The following BAZ2A variants were observed in gnomAD, a reference collection of about 807,000 sequenced individuals.
BAZ2A encodes the protein bromodomain adjacent to zinc finger domain 2A.
Under a neutral mutation model 199.9 loss-of-function variants are expected in BAZ2A, and 34 were observed. That is an observed-to-expected ratio of 0.17 (90% CI 0.13 to 0.23). The LOEUF is 0.23. BAZ2A is among the 10% of genes least tolerant of loss of function. The pLI, the probability that BAZ2A is intolerant of heterozygous loss-of-function variation, is 1.00. For synonymous variants in BAZ2A, 857 were observed against 883.9 expected (o/e 0.97, Z 0.54); for missense variants, 2,002 against 2,391.1 (o/e 0.84, Z 3.39).
At position 56,598,488 on chromosome 12, in the gene BAZ2A, G is replaced by A; in HGVS notation, c.*130C>T. 1.6e-6 allele frequency: 2 copies of A among 1,227,214 alleles called. No homozygotes were observed. The highest frequency in any genetic ancestry group is 2.2e-6 in the Non-Finnish European group (2 of 896,968). 76.0% of individuals were successfully genotyped at this position (1,227,214 alleles called of 1,614,324 possible). A position where few individuals can be genotyped will look rare whatever the true frequency, so the allele number is the denominator to read the frequency against. Reference sequence around the variant, plus strand: ...AAGAGGATGTGGGGCACTGCCAAGGGCAAGGTCAAAAATCAGGGTTGTATC... The same window carrying A: ...AAGAGGATGTGGGGCACTGCCAAGGACAAGGTCAAAAATCAGGGTTGTATC... On this transcript the variant is annotated 3_prime_UTR_variant, in exon 29 of 29. Transcript: ENST00000549884.
Position 56,598,247 on chromosome 12 carries a change from A to T in BAZ2A, c.*371T>A, listed in dbSNP as rs1186061245. 1 of 232,498 alleles carries T rather than the reference A, an allele frequency of 4.3e-6. No individual in the cohort carries two copies. The highest frequency in any genetic ancestry group is 1.1e-4 in the East Asian group (1 of 8,922). The allele number at this position is 232,498 out of a possible 1,614,324, so 14.4% of individuals were successfully genotyped here. ...ACTAGAACTATTGCTATTGTTAAAT[A>T]ACCCCAGAATGCTGGGGCACGTACA... is the stretch of plus-strand genomic sequence containing the variant. On this transcript the variant is annotated 3_prime_UTR_variant, in exon 29 of 29. Transcript: ENST00000549884.
At chr12:56,621,482 T>C (rs1198600120) in intron 1 of BAZ2A, among the ~76,000 whole-genome samples, 2 of 152,150 alleles carry the variant, frequency 1.3e-5, no homozygotes, top group Non-Finnish European at 2.9e-5. Context: ...CACAATGTAG[T>C]GGGCTCTAGG....
Position 56,611,797 on chromosome 12 carries a change from C to A in BAZ2A, c.1585G>T (p.Glu529Ter). The A allele has an allele frequency of 6.5e-7, 1 of 1,546,310 alleles. No homozygotes were observed. The highest frequency in any genetic ancestry group is 8.7e-7 in the Non-Finnish European group (1 of 1,147,676). The part of the protein sequence containing the change: ...TTADVEEITG[E>*]GLTASGSGDV... ...CCACTACCAGAAGCAGTGAGTCCTT[C>A]TCCAGTGATCTCTTCCACGTCAGCA... Residue 529 changes from glutamate (E) to a stop codon, truncating the protein, a stop_gained, in exon 6 of 29, where the codon GAA (glutamate) becomes TAA (stop). Coordinates refer to ENST00000549884, the MANE Select transcript of BAZ2A (RefSeq NM_001300905.2). LOFTEE classifies it high-confidence loss of function.
At chr12:56,612,552 G>A (rs771113515) in intron 5 of BAZ2A, among the ~76,000 whole-genome samples, 16 of 152,194 alleles carry the variant, frequency 1.1e-4, no homozygotes, top group Non-Finnish European at 2.2e-4. Flanking sequence ...TCGGAGTATA[G>A]CAGCCTATAC....
At position 56,598,483 on chromosome 12, in the gene BAZ2A, C is replaced by T; in HGVS notation, c.*135G>A. 1 of 1,191,234 alleles carries T rather than the reference C, an allele frequency of 8.4e-7. No individual in the cohort carries two copies. Among genetic ancestry groups the T allele is most frequent in the Non-Finnish European group, 1.2e-6 (1 of 865,652 alleles). The allele number at this position is 1,191,234 out of a possible 1,614,324, so 73.8% of individuals were successfully genotyped here. A position where few individuals can be genotyped will look rare whatever the true frequency, so the allele number is the denominator to read the frequency against. The stretch of plus-strand genomic sequence containing the variant: ...GGAATAAGAGGATGTGGGGCACTGC[C>T]AAGGGCAAGGTCAAAAATCAGGGTT... On this transcript the variant is annotated 3_prime_UTR_variant, in exon 29 of 29. Transcript: ENST00000549884.
Position 56,604,229 on chromosome 12 carries a change from C to A in BAZ2A, c.3026G>T (p.Gly1009Val). The A allele has an allele frequency of 1.2e-6, 2 of 1,606,882 alleles. No homozygotes were observed. The highest frequency in any genetic ancestry group is 1.7e-6 in the Non-Finnish European group (2 of 1,176,360). The change falls in exon 16 of 29, where the codon GGC becomes GTC. Residue 1009 changes from glycine to valine, a missense_variant. By Grantham distance (109) the Gly-to-Val change is moderately radical (BLOSUM62 -3). Coordinates refer to ENST00000549884, the MANE Select transcript of BAZ2A (RefSeq NM_001300905.2). The part of the protein sequence containing the change: ...SYRKNKWIVE[G>V]RLRRLKTVLA... ...GTCTGGTCCCTACCTCCGGAGCCGG[C>A]CTTCAACAATCCACTTGTTTTTCCT...
chr12:56,600,577 AAGGT>A, intron 23 of BAZ2A, 87 bp from the exon 24 acceptor site: 1 of 1,573,352 alleles, frequency 6.4e-7, no homozygotes. Context: ...AGACCCACTT[AAGGT>A]AGGTCACCTG....
chr12:56,636,581 C>A (rs1437289227), upstream of BAZ2A: 4 of 214,860 alleles, frequency 1.9e-5, no homozygotes, highest in African/African-American at 9.2e-5. Flanking sequence ...TCGATAAACG[C>A]TGAAGGACGT....
chr12:56,615,628 A>C (rs1950691951), intron 2 of BAZ2A, 21 bp from the exon 3 acceptor site: 1 of 1,543,160 alleles, frequency 6.5e-7, no homozygotes, highest in African/African-American at 1.4e-5. Context: ...AAGAAAGAAA[A>C]GGTCAGTTAC....
At chr12:56,619,567 A>T (rs1210407893) in intron 1 of BAZ2A, among the ~76,000 whole-genome samples, 1 of 152,028 alleles carries the variant, frequency 6.6e-6, no homozygotes, top group East Asian at 1.9e-4. Flanking sequence ...CAAAGTCTGC[A>T]AGAGTTACAT....
intron 10 of BAZ2A, among the ~76,000 whole-genome samples, chr12:56,608,991 A>G (rs1164757352): frequency 6.8e-6 from 1 of 148,094 alleles, no homozygotes; most frequent in Non-Finnish European, 1.5e-5. Flanking sequence ...CTCCTGCCTC[A>G]GCCTCCCAAG....
intron 1 of BAZ2A, among the ~76,000 whole-genome samples, chr12:56,625,449 C>T (rs117046053): frequency 0.022 from 3,321 of 152,022 alleles, 57 homozygotes; most frequent in Admixed American, 0.033. Flanking sequence ...GCCACCGTGC[C>T]CAGCCAGAAT....
intron 5 of BAZ2A, among the ~76,000 whole-genome samples, 187 bp downstream of exon 5, chr12:56,612,828 G>A (rs941258808): frequency 1.3e-5 from 2 of 152,100 alleles, no homozygotes; most frequent in Non-Finnish European, 2.9e-5. Context: ...TCACCATGTT[G>A]GCCAGGTGGT....
rs1950526038 is a variant in BAZ2A, at chr12:56,610,524, G to C, written c.1671-7C>G. 6.2e-7 allele frequency: 1 copy of C among 1,607,608 alleles called. No individual in the cohort carries two copies. The highest frequency in any genetic ancestry group is 1.3e-5 in the African/African-American group (1 of 74,790). ...GCGCACCTCTCTCCGCCACCTGCCAGAGAAGCACATGGGCCCTGCCGCCAG... is the reference window on the plus strand; with the variant it reads ...GCGCACCTCTCTCCGCCACCTGCCACAGAAGCACATGGGCCCTGCCGCCAG... On this transcript the variant is annotated splice_region_variant and splice_polypyrimidine_tract_variant and intron_variant, in intron 7 of 28. Transcript: ENST00000549884.
At chr12:56,605,765 C>A in intron 13 of BAZ2A, 65 bp downstream of exon 13, 1 of 1,214,716 alleles carries the variant, frequency 8.2e-7, no homozygotes, top group Non-Finnish European at 1.1e-6. Context: ...TGCAGAAGTC[C>A]TTTTTTTTTT....
rs745599904 is a variant in BAZ2A at position 56,601,103 on chromosome 12, G to A, written c.4295-5C>T. On this transcript the variant is annotated splice_region_variant and splice_polypyrimidine_tract_variant and intron_variant, in intron 21 of 28. Coordinates refer to ENST00000549884, the MANE Select transcript of BAZ2A (RefSeq NM_001300905.2). ...ACCACCAGCCTGAGCACATCTCTGT[G>A]AGCAGATGAGATATATGTGGGGCGC... The A allele has an allele frequency of 1.9e-6, 3 of 1,613,652 alleles. No individual in the cohort carries two copies. Among genetic ancestry groups the A allele is most frequent in the Admixed American group, 1.7e-5 (1 of 59,940 alleles).
At chr12:56,614,987 C>T in intron 3 of BAZ2A, 27 bp downstream of exon 3, 2 of 1,591,484 alleles carry the variant, frequency 1.3e-6, no homozygotes, top group Non-Finnish European at 8.6e-7. Context: ...TTTCCTTTCC[C>T]CACCCAGTTC....
chr12:56,632,232 G>A (rs897147862), upstream of BAZ2A, among the ~76,000 whole-genome samples: 2 of 152,174 alleles, frequency 1.3e-5, no homozygotes, highest in African/African-American at 4.8e-5. Context: ...GCAAACTTCT[G>A]CTAAGAAATG....
At chr12:56,637,770 CA>C (rs537402652), upstream of BAZ2A, among the ~76,000 whole-genome samples, 3,345 of 122,964 alleles carry the variant, frequency 0.027, 36 homozygotes, top group African/African-American at 0.037. Context: ...GAATAGAGGC[CA>C]AAAAAAAAAA....
Sources: allele counts gnomAD v4.1 joint callset (sites outside exome capture counted in the v4.1 genomes callset), GRCh38; gene constraint gnomAD v4.1.1; transcripts MANE v1.5; gene names NCBI Gene and HGNC (gene_info 2026-07-23, HGNC 2026-07-21).